PLA2R1: variants seen among roughly 807,000 people sequenced by gnomAD.
PLA2R1 encodes secretory phospholipase A2 receptor.
PLA2R1 carries 158 observed loss-of-function variants against 195.9 expected under a neutral mutation model. That is an observed-to-expected ratio of 0.81 (90% CI 0.71 to 0.92). The LOEUF (loss-of-function observed/expected upper bound fraction) is 0.92. Among genes scored for constraint, PLA2R1 ranks in the 40% least tolerant of loss-of-function variants. The pLI is 0.00. For missense variants in PLA2R1, 1,626 were observed against 1,764.6 expected (o/e 0.92, Z 1.41); for synonymous variants, 586 against 598.2 (o/e 0.98, Z 0.30).
At chr2:159,983,525 G>C (rs1330361880) in intron 13 of PLA2R1, among the ~76,000 whole-genome samples, 1 of 150,864 alleles carries the variant, frequency 6.6e-6, no homozygotes, top group African/African-American at 2.4e-5. Context: ...CGGTGGAGCT[G>C]GTCAGAGCCG....
chr2:159,937,299 T>C lies in PLA2R1; in HGVS notation c.*4479A>G, dbSNP rs1033507256. ...AATGAAGGCTGGGAAAAGTAAAATATCACTTCATTATAGTTCAGTCAATAC... is the reference window on the plus strand; with the variant it reads ...AATGAAGGCTGGGAAAAGTAAAATACCACTTCATTATAGTTCAGTCAATAC... On this transcript the variant is annotated 3_prime_UTR_variant, in exon 30 of 30. Coordinates refer to ENST00000283243, the MANE Select transcript of PLA2R1 (RefSeq NM_007366.5). The C allele has an allele frequency of 6.6e-6, 1 of 152,226 alleles. No individual in the cohort carries two copies. The highest frequency in any genetic ancestry group is 1.5e-5 in the Non-Finnish European group (1 of 68,034). The allele number at this position is 152,226 out of a possible 1,614,324, so 9.4% of individuals were successfully genotyped here.
chr2:160,003,266 G>A (rs1202698831), intron 11 of PLA2R1, among the ~76,000 whole-genome samples: 1 of 151,798 alleles, frequency 6.6e-6, no homozygotes, highest in Admixed American at 6.6e-5. Flanking sequence ...ATAATCTTTG[G>A]TTGAGCAAAG....
chr2:160,044,670 C>A (rs1489024509), intron 2 of PLA2R1, 104 bp downstream of exon 2: 3 of 966,620 alleles, frequency 3.1e-6, no homozygotes, highest in African/African-American at 3.3e-5. Flanking sequence ...CCTTGAGGGT[C>A]CAGGCTTCGT....
At chr2:160,052,515 C>G (rs1447028689) in intron 1 of PLA2R1, among the ~76,000 whole-genome samples, 1 of 152,198 alleles carries the variant, frequency 6.6e-6, no homozygotes, top group African/African-American at 2.4e-5. Flanking sequence ...CATTGTTTTG[C>G]CTTTATTTAA....
intron 3 of PLA2R1, among the ~76,000 whole-genome samples, chr2:160,039,163 G>C (rs1378295147): frequency 6.6e-6 from 1 of 152,108 alleles, no homozygotes; most frequent in East Asian, 1.9e-4. Context: ...ACTGTGCCCA[G>C]CCTAAATCTG....
intron 11 of PLA2R1, among the ~76,000 whole-genome samples, chr2:159,990,829 A>G (rs867547241): frequency 6.6e-6 from 1 of 151,916 alleles, no homozygotes; most frequent in Middle Eastern, 3.4e-3. Flanking sequence ...AAAGGCCACA[A>G]ACGTAGTGGG....
intron 16 of PLA2R1, 48 bp from the exon 17 acceptor site, chr2:159,976,273 C>T (rs905012166): frequency 7.4e-7 from 1 of 1,353,180 alleles, no homozygotes. Context: ...AATAGGTATG[C>T]TAGGATTGAC....
At chr2:160,059,459 T>A (rs1393891521) in intron 1 of PLA2R1, among the ~76,000 whole-genome samples, 1 of 152,194 alleles carries the variant, frequency 6.6e-6, no homozygotes, top group Non-Finnish European at 1.5e-5. Flanking sequence ...CACTTAGATG[T>A]GTACTATTAC....
At chr2:159,986,855 G>A (rs549192112) in intron 12 of PLA2R1, among the ~76,000 whole-genome samples, 2 of 152,224 alleles carry the variant, frequency 1.3e-5, no homozygotes, top group African/African-American at 4.8e-5. Flanking sequence ...CCAAAGTGCT[G>A]GGATTACAGG....
At chr2:159,946,759 C>G (rs1687410805) in intron 27 of PLA2R1, 42 bp downstream of exon 27, 39 of 1,549,196 alleles carry the variant, frequency 2.5e-5, no homozygotes, top group Non-Finnish European at 3.2e-5. Context: ...CTTTAACAAC[C>G]ATGTATTTAT....
At chr2:160,004,882 T>C (rs1691867779) in intron 11 of PLA2R1, among the ~76,000 whole-genome samples, 2 of 152,158 alleles carry the variant, frequency 1.3e-5, no homozygotes, top group Non-Finnish European at 2.9e-5. Flanking sequence ...GATGAACTAG[T>C]AGAGCTGTTA....
At chr2:159,945,825 TCTTTA>T in intron 27 of PLA2R1, 9 of 968,570 alleles carry the variant, frequency 9.3e-6, no homozygotes, top group Non-Finnish European at 1.1e-5. Context: ...TAAAGTTGCC[TCTTTA>T]TTTTAGGTAC....
chr2:159,956,945 T>C (rs1479857126), intron 20 of PLA2R1, among the ~76,000 whole-genome samples: 1 of 151,696 alleles, frequency 6.6e-6, no homozygotes, highest in East Asian at 1.9e-4. Flanking sequence ...CCACTCTGAT[T>C]GCAAAGTTTA....
rs559695836 is a variant in PLA2R1 at position 159,936,047 on chromosome 2, G to A, written c.*5731C>T. On this transcript the variant is annotated 3_prime_UTR_variant, in exon 30 of 30. Transcript: ENST00000283243. ...GCTCACTGTAAGCTCCGACTTCCAG[G>A]TTCATGCCATTCTCCTGCCTCAGCC... 1 of 143,204 alleles carries A rather than the reference G, an allele frequency of 7.0e-6. No homozygotes were observed. The highest frequency in any genetic ancestry group is 2.3e-4 in the South Asian group (1 of 4,294). The allele number at this position is 143,204 out of a possible 1,614,324, so 8.9% of individuals were successfully genotyped here. A position where few individuals can be genotyped will look rare whatever the true frequency, so the allele number is the denominator to read the frequency against.
At chr2:159,966,094 G>A (rs781576931) in intron 20 of PLA2R1, among the ~76,000 whole-genome samples, 7 of 152,144 alleles carry the variant, frequency 4.6e-5, no homozygotes, top group African/African-American at 7.2e-5. Context: ...AAAATTCAGT[G>A]ATATAAGAAA....
chr2:160,037,150 G>A (rs2105554840), intron 3 of PLA2R1, among the ~76,000 whole-genome samples: 1 of 152,184 alleles, frequency 6.6e-6, no homozygotes, highest in Non-Finnish European at 1.5e-5. Flanking sequence ...ACTACTCCTG[G>A]CCCAGACTAT....
intron 8 of PLA2R1, 71 bp from the exon 9 acceptor site, chr2:160,016,783 T>A (rs980927726): frequency 3.1e-5 from 21 of 673,916 alleles, no homozygotes; most frequent in African/African-American, 5.5e-5. Context: ...GCAATTCTTA[T>A]AAAAAAAATA....
chr2:160,018,933 C>A (rs1322532935), intron 8 of PLA2R1, among the ~76,000 whole-genome samples: 1 of 152,200 alleles, frequency 6.6e-6, no homozygotes, highest in African/African-American at 2.4e-5. Flanking sequence ...CTTCGGAGAA[C>A]CTGACAGAGT....
intron 3 of PLA2R1, among the ~76,000 whole-genome samples, chr2:160,037,972 C>T (rs1694267092): frequency 6.6e-6 from 1 of 152,090 alleles, no homozygotes; most frequent in African/African-American, 2.4e-5. Context: ...CGGTTATAAC[C>T]CCAGGAGCCA....
Sources: allele counts gnomAD v4.1 joint callset (sites outside exome capture counted in the v4.1 genomes callset), GRCh38; gene constraint gnomAD v4.1.1; transcripts MANE v1.5; gene names NCBI Gene and HGNC (gene_info 2026-07-23, HGNC 2026-07-21).